The following FBN1 variants were observed in gnomAD, a reference collection of about 807,000 sequenced individuals.
FBN1 encodes the protein fibrillin 1.
Under a neutral mutation model 365.1 loss-of-function variants are expected in FBN1, and 29 were observed. The observed-to-expected ratio is 0.08, with a 90% confidence interval of 0.06 to 0.11. FBN1 has a LOEUF of 0.11. Ranked by LOEUF, FBN1 falls within the 10% of genes least tolerant of loss-of-function variation. The pLI, the probability that FBN1 is intolerant of heterozygous loss-of-function variation, is 1.00. For missense variants in FBN1, 2,476 were observed against 3,703.2 expected (o/e 0.67, Z 8.60); for synonymous variants, 1,210 against 1,270.5 (o/e 0.95, Z 1.01).
chr15:48,640,833 C>G (rs1484092622), intron 2 of FBN1, among the ~76,000 whole-genome samples: 2 of 151,946 alleles, frequency 1.3e-5, no homozygotes, highest in East Asian at 3.9e-4. Flanking sequence ...TACTTGGGAG[C>G]TAAAGCAATA....
chr15:48,439,612 C>T (rs1305945680), intron 50 of FBN1, among the ~76,000 whole-genome samples: 1 of 152,164 alleles, frequency 6.6e-6, no homozygotes, highest in East Asian at 1.9e-4. Context: ...GAAAACTTAA[C>T]TCTGCTTTGT....
At chr15:48,580,178 C>T (rs764051303) in intron 6 of FBN1, among the ~76,000 whole-genome samples, 7 of 152,136 alleles carry the variant, frequency 4.6e-5, no homozygotes, top group African/African-American at 1.4e-4. Flanking sequence ...CACACCATGG[C>T]GCTATCAAAG....
intron 6 of FBN1, among the ~76,000 whole-genome samples, chr15:48,539,877 A>G (rs1566922847): frequency 6.6e-6 from 1 of 152,030 alleles, no homozygotes; most frequent in Admixed American, 6.6e-5. Context: ...GTATAGTTTA[A>G]TATTTTACAT....
intron 29 of FBN1, among the ~76,000 whole-genome samples, 162 bp from the exon 30 acceptor site, chr15:48,485,658 G>T (rs951774710): frequency 3.9e-5 from 6 of 152,144 alleles, no homozygotes; most frequent in Non-Finnish European, 5.9e-5. Flanking sequence ...GGTGGGATCG[G>T]TGCTGTTATA....
Position 48,470,695 on chromosome 15 carries a change from G to A in FBN1, c.4398C>T (p.Gly1466=). The A allele has an allele frequency of 1.2e-6, 2 of 1,614,062 alleles. No homozygotes were observed. Among genetic ancestry groups the A allele is most frequent in the Non-Finnish European group, 1.7e-6 (2 of 1,179,994 alleles). ...CVFGTCHNLP[G]LFRCECEIGY... ...CTATCTCACACTCACAGCGGAACAG[G>A]CCAGGGAGGTTGTGGCAAGTTCCAA... Residue 1466 remains glycine, a synonymous_variant, in exon 36 of 66, where the codon GGC becomes GGT. Coordinates refer to ENST00000316623, the MANE Select transcript of FBN1 (RefSeq NM_000138.5).
At chr15:48,505,344 C>A (rs1229657106) in intron 15 of FBN1, among the ~76,000 whole-genome samples, 197 bp from the exon 16 acceptor site, 1 of 152,146 alleles carries the variant, frequency 6.6e-6, no homozygotes, top group African/African-American at 2.4e-5. Flanking sequence ...ACTGTTGGAA[C>A]TTATTTTCCA....
rs537495442 is a variant in FBN1, at chr15:48,459,356, C to T, written c.5296+890G>A. Among the ~76,000 whole-genome samples the T allele has an allele frequency of 3.9e-5, 6 of 152,310 alleles. No individual in the cohort carries two copies. In the South Asian group the frequency reaches 1.2e-3, roughly 32 times the overall value. On this transcript the variant is annotated intron_variant, in intron 43 of 65. Coordinates refer to ENST00000316623, the MANE Select transcript of FBN1 (RefSeq NM_000138.5). ...TTTTTCTTTCCAAACCATGAAGTTT[C>T]TTTGGACGTGGACGAGACTGTGGAG...
intron 42 of FBN1, among the ~76,000 whole-genome samples, chr15:48,462,351 CT>C (rs5812454): frequency 0.66 from 100,497 of 151,182 alleles, 34,393 homozygotes; most frequent in Middle Eastern, 0.77. Flanking sequence ...GCAATTTAGC[CT>C]TTTTTTTTTA....
intron 6 of FBN1, among the ~76,000 whole-genome samples, chr15:48,545,524 TC>T: frequency 6.6e-6 from 1 of 152,260 alleles, no homozygotes; most frequent in East Asian, 1.9e-4. Flanking sequence ...GCAGTCAAAT[TC>T]ATAGACAGCA....
chr15:48,451,508 CA>C (rs2043201250), intron 45 of FBN1, among the ~76,000 whole-genome samples: 1 of 152,138 alleles, frequency 6.6e-6, no homozygotes, highest in African/African-American at 2.4e-5. Context: ...CTCTTCCCAC[CA>C]AGGTCTCATA....
intron 36 of FBN1, among the ~76,000 whole-genome samples, chr15:48,468,750 C>A (rs1219579508): frequency 5.3e-5 from 8 of 152,078 alleles, no homozygotes; most frequent in African/African-American, 1.9e-4. Context: ...AACACATTTA[C>A]CATTCAAATT....
chr15:48,485,381 T>C lies in FBN1; in HGVS notation c.3705A>G (p.Ser1235=), dbSNP rs1294094542. The change falls in exon 30 of 66, where the codon TCA becomes TCG. Residue 1235 remains serine, a synonymous_variant. Coordinates refer to ENST00000316623, the MANE Select transcript of FBN1 (RefSeq NM_000138.5). The part of the protein sequence containing the change: ...PGFALMPDQR[S]CTDIDECEDN... Reference sequence around the variant, plus strand: ...AGGCTAGAACCTACTCACCGGTGCATGATCTCTGGTCAGGCATTAGTGCAA... The same window carrying C: ...AGGCTAGAACCTACTCACCGGTGCACGATCTCTGGTCAGGCATTAGTGCAA... 6.2e-7 allele frequency: 1 copy of C among 1,614,178 alleles called. No individual in the cohort carries two copies. Among genetic ancestry groups the C allele is most frequent in the Non-Finnish European group, 8.5e-7 (1 of 1,180,022 alleles).
intron 63 of FBN1, among the ~76,000 whole-genome samples, chr15:48,419,281 G>A (rs1284736178): frequency 6.6e-6 from 1 of 152,158 alleles, no homozygotes; most frequent in Non-Finnish European, 1.5e-5. Flanking sequence ...GGACACTAGT[G>A]CATGGCCTGG....
intron 56 of FBN1, 31 bp from the exon 57 acceptor site, chr15:48,428,502 A>G (rs990956278): frequency 6.2e-7 from 1 of 1,613,454 alleles, no homozygotes; most frequent in African/African-American, 1.3e-5. Flanking sequence ...ACCAAAAACA[A>G]GAAGAGTCAT....
chr15:48,578,534 T>C (rs902797023), intron 6 of FBN1, among the ~76,000 whole-genome samples: 1 of 152,040 alleles, frequency 6.6e-6, no homozygotes, highest in Non-Finnish European at 1.5e-5. Flanking sequence ...TACCCAGTAA[T>C]GGGATGGCTG....
chr15:48,441,699 CA>C, intron 50 of FBN1, 21 bp downstream of exon 50: 1 of 1,613,106 alleles, frequency 6.2e-7, no homozygotes, highest in Non-Finnish European at 8.5e-7. Flanking sequence ...ATTGAAAGCC[CA>C]AAGCCTTCAA....
intron 34 of FBN1, 30 bp from the exon 35 acceptor site, chr15:48,472,706 T>C (rs1370382567): frequency 3.1e-6 from 5 of 1,613,986 alleles, no homozygotes; most frequent in Non-Finnish European, 4.2e-6. Context: ...CACGTTACTC[T>C]TCCTCGGTTA....
In FBN1 at chr15:48,631,385, A is replaced by C. The variant is rs202190345; in HGVS notation, c.164+13221T>G. On this transcript the variant is annotated intron_variant, in intron 2 of 65. Coordinates refer to ENST00000316623, the MANE Select transcript of FBN1 (RefSeq NM_000138.5). ...CCAATCACGCAAGCAAGGCCTGCCC[A>C]CAAAGCACCTAGAGAGGACAGTGAT... Among the ~76,000 whole-genome samples the C allele has an allele frequency of 9.0e-4, 137 of 152,318 alleles. 1 individual carries two copies. The highest frequency in any genetic ancestry group is 3.2e-3 in the African/African-American group (134 of 41,568).
In FBN1 at chr15:48,440,146, C is replaced by G. The variant is rs150138483; in HGVS notation, c.6163+1575G>C. ...GAAGAGAGCTGTGCTTGCCCACATA[C>G]TTCAGGACTCACTGGGATGCCTGTT... On this transcript the variant is annotated intron_variant, in intron 50 of 65. Transcript: ENST00000316623. Among the ~76,000 whole-genome samples the G allele has an allele frequency of 8.5e-5, 13 of 152,324 alleles. No homozygotes were observed. In the East Asian group the frequency reaches 2.5e-3, roughly 29 times the overall value.
Sources: gnomAD v4.1 joint callset for allele counts (sites outside exome capture counted in the v4.1 genomes callset) on GRCh38, gnomAD v4.1.1 for gene constraint, MANE v1.5 for transcripts, NCBI Gene and HGNC (gene_info 2026-07-23, HGNC 2026-07-21) for gene names.